Variants in IQCM observed in about 807,000 individuals in gnomAD.
The protein encoded by IQCM is IQ motif containing M.
A neutral mutation model predicts 57.6 loss-of-function variants in IQCM; 45 were observed. That is an observed-to-expected ratio of 0.78 (90% CI 0.62 to 1.00). The LOEUF is 1.00. IQCM is among the 50% of genes least tolerant of loss of function. The probability of loss-of-function intolerance (pLI) is 0.00; values close to 1 mark genes in which losing one functional copy is unlikely to be tolerated. For missense variants in IQCM, 468 were observed against 511.6 expected, an observed-to-expected ratio of 0.91 and a Z score of 0.82; for synonymous variants, 148 against 158.9, an observed-to-expected ratio of 0.93 and a Z score of 0.51.
chr4:149,703,904 A>G (rs1057344125), intron 5 of IQCM, among the ~76,000 whole-genome samples: 4 of 151,882 alleles, frequency 2.6e-5, no homozygotes, highest in Non-Finnish European at 5.9e-5. Context: ...GAACCCTTTC[A>G]CTATTTCACA....
intron 2 of IQCM, among the ~76,000 whole-genome samples, chr4:149,746,574 C>A (rs1767955649): frequency 6.6e-6 from 1 of 152,156 alleles, no homozygotes; most frequent in Non-Finnish European, 1.5e-5. Flanking sequence ...GCCCTGAGCT[C>A]TTCTCTCTTA....
At chr4:149,670,002 A>G (rs1309893856) in intron 7 of IQCM, among the ~76,000 whole-genome samples, 1 of 152,102 alleles carries the variant, frequency 6.6e-6, no homozygotes, top group African/African-American at 2.4e-5. Context: ...AGTTTTTTCC[A>G]ATTATTTGAA....
chr4:149,799,693 T>A (rs1326283598), intron 2 of IQCM, among the ~76,000 whole-genome samples: 1 of 151,714 alleles, frequency 6.6e-6, no homozygotes, highest in African/African-American at 2.4e-5. Context: ...GTGGCTACTA[T>A]GAGCAACTAC....
intron 8 of IQCM, among the ~76,000 whole-genome samples, chr4:149,602,834 A>C (rs1719284614): frequency 6.6e-6 from 1 of 151,856 alleles, no homozygotes; most frequent in African/African-American, 2.4e-5. Context: ...TTTTTTATGC[A>C]CTCTTGTTTT....
At chr4:149,360,735 C>G (rs1296675281) in intron 13 of IQCM, among the ~76,000 whole-genome samples, 2 of 152,244 alleles carry the variant, frequency 1.3e-5, no homozygotes, top group South Asian at 4.2e-4. Context: ...GATTCTGAGG[C>G]CTGTAAATCC....
chr4:149,407,953 CCCA>C (rs1451051344), intron 13 of IQCM, among the ~76,000 whole-genome samples: 6 of 152,112 alleles, frequency 3.9e-5, no homozygotes, highest in Non-Finnish European at 7.4e-5. Flanking sequence ...AATTTACATT[CCCA>C]CCTACAGTGT....
chr4:149,678,028 A>G (rs1201659906), intron 7 of IQCM, among the ~76,000 whole-genome samples: 1 of 151,878 alleles, frequency 6.6e-6, no homozygotes, highest in Admixed American at 6.6e-5. Context: ...CACCTAAAAG[A>G]TATAGAAAAT....
chr4:149,568,950 G>A (rs1750897710), intron 9 of IQCM, among the ~76,000 whole-genome samples: 1 of 152,124 alleles, frequency 6.6e-6, no homozygotes, highest in Admixed American at 6.5e-5. Context: ...CTATGAGCTG[G>A]TCTTGTGAAT....
At chr4:149,474,486 T>C (rs1365469911) in intron 12 of IQCM, among the ~76,000 whole-genome samples, 1 of 149,834 alleles carries the variant, frequency 6.7e-6, no homozygotes, top group Admixed American at 6.7e-5. Flanking sequence ...GGCAGGTAGA[T>C]CACTTGAGGT....
chr4:149,422,618 C>T (rs1055593972), intron 13 of IQCM, among the ~76,000 whole-genome samples: 3 of 151,878 alleles, frequency 2.0e-5, no homozygotes, highest in Admixed American at 1.3e-4. Flanking sequence ...TGTGTGTGTG[C>T]GCACGCATGT....
At chr4:149,508,620 T>A (rs1002386515) in intron 12 of IQCM, among the ~76,000 whole-genome samples, 1 of 152,244 alleles carries the variant, frequency 6.6e-6, no homozygotes, top group Non-Finnish European at 1.5e-5. Context: ...GGGAAATAAC[T>A]AACTTGTGTT....
At chr4:149,606,496 A>G (rs1754796375) in intron 8 of IQCM, among the ~76,000 whole-genome samples, 1 of 152,186 alleles carries the variant, frequency 6.6e-6, no homozygotes, top group African/African-American at 2.4e-5. Flanking sequence ...GTCAATGCAC[A>G]GACATCAGTG....
chr4:149,529,513 C>A (rs1380845648), intron 12 of IQCM, among the ~76,000 whole-genome samples: 2 of 152,112 alleles, frequency 1.3e-5, no homozygotes, highest in Non-Finnish European at 2.9e-5. Flanking sequence ...TGGCATTGAC[C>A]AACAGTGTTT....
chr4:149,617,306 G>C (rs550339070), intron 8 of IQCM, among the ~76,000 whole-genome samples: 1 of 152,112 alleles, frequency 6.6e-6, no homozygotes, highest in East Asian at 1.9e-4. Context: ...AAAGAACTTG[G>C]TGTTTGATTC....
intron 13 of IQCM, among the ~76,000 whole-genome samples, chr4:149,360,647 A>C (rs1729411705): frequency 6.6e-6 from 1 of 152,158 alleles, no homozygotes; most frequent in Non-Finnish European, 1.5e-5. Context: ...TGATAGGTTT[A>C]TCAGGGGTTT....
chr4:149,692,268 T>C (rs1274579380), intron 5 of IQCM, among the ~76,000 whole-genome samples: 1 of 152,142 alleles, frequency 6.6e-6, no homozygotes, highest in Non-Finnish European at 1.5e-5. Context: ...TTATGAAACA[T>C]GAAGTGACAG....
chr4:149,677,509 C>T (rs1043358204), intron 7 of IQCM, among the ~76,000 whole-genome samples: 2 of 151,932 alleles, frequency 1.3e-5, no homozygotes, highest in African/African-American at 4.8e-5. Flanking sequence ...CAGTAAAGAA[C>T]CTATAAGCAA....
At chr4:149,679,551 T>C (rs1161072549) in intron 7 of IQCM, among the ~76,000 whole-genome samples, 2 of 151,572 alleles carry the variant, frequency 1.3e-5, no homozygotes. Flanking sequence ...AAGACAAATA[T>C]TTATGGTGAT....
At chr4:149,650,624 G>A (rs899222723) in intron 7 of IQCM, among the ~76,000 whole-genome samples, 2 of 151,786 alleles carry the variant, frequency 1.3e-5, no homozygotes, top group African/African-American at 2.4e-5. Context: ...TCCTGACCTC[G>A]GATGATACAC....
Sources: allele counts gnomAD v4.1 joint callset (sites outside exome capture counted in the v4.1 genomes callset), GRCh38; gene constraint gnomAD v4.1.1; transcripts MANE v1.5; gene names NCBI Gene and HGNC (gene_info 2026-07-23, HGNC 2026-07-21).